MED1: variants seen among roughly 807,000 people sequenced by gnomAD.
MED1 encodes mediator complex subunit 1.
Under a neutral mutation model 121.3 loss-of-function variants are expected in MED1, and 17 were observed. The observed-to-expected ratio is 0.14, with a 90% confidence interval of 0.10 to 0.21. The LOEUF (loss-of-function observed/expected upper bound fraction) is 0.21. Among genes scored for constraint, MED1 ranks in the 10% least tolerant of loss-of-function variants. The probability of loss-of-function intolerance (pLI) is 1.00; values close to 1 mark genes in which losing one functional copy is unlikely to be tolerated. For missense variants in MED1, 1,558 were observed against 1,919.4 expected (o/e 0.81, Z 3.52); for synonymous variants, 661 against 694.4 (o/e 0.95, Z 0.76).
chr17:39,415,112 G>C lies in MED1; in HGVS notation c.1413C>G (p.Asp471Glu), dbSNP rs1466423492. The change falls in exon 16 of 17, where the codon GAC becomes GAG. Residue 471 changes from aspartate to glutamate, a missense_variant. This residue lies in a region of MED1 where 50 missense variants were observed against 134.5 expected (regional missense o/e 0.37). Coordinates refer to ENST00000300651, the MANE Select transcript of MED1 (RefSeq NM_004774.4). ...AGAGTTTACAGCTCACATGTGTTGA[G>C]TCCTGCACATCCATTACCACTGAAA... ...SLVCVVMDVQ[D>E]STHVSCKLYK... 1 of 1,614,034 alleles carries C rather than the reference G, an allele frequency of 6.2e-7. No homozygotes were observed. The highest frequency in any genetic ancestry group is 1.1e-5 in the South Asian group (1 of 91,072).
intron 16 of MED1, among the ~76,000 whole-genome samples, chr17:39,412,738 A>G (rs980449516): frequency 2.0e-5 from 3 of 151,542 alleles, no homozygotes; most frequent in South Asian, 2.1e-4. Context: ...GGGTTTCACC[A>G]TCTTGGCCAG....
Position 39,408,064 on chromosome 17 carries a change from C to G in MED1, c.4157G>C (p.Ser1386Thr), listed in dbSNP as rs149373125. 1.9e-4 allele frequency: 302 copies of G among 1,614,204 alleles called. 3 individuals carry two copies. In the African/African-American group the frequency reaches 3.9e-3, roughly 21 times the overall value. Residue 1386 changes from serine to threonine, a missense_variant, in exon 17 of 17, where the codon AGC becomes ACC. Ser to Thr is a moderately conservative substitution (Grantham distance 58). Transcript: ENST00000300651. The surrounding 1 kb of genome is among the most constrained non-coding windows in gnomAD (Gnocchi z 4.7). ...GATGATAATTTTTGCCACACCTGTGCTCCCCACATTTTTTGACTCTGAGGT... is the reference window on the plus strand; with the variant it reads ...GATGATAATTTTTGCCACACCTGTGGTCCCCACATTTTTTGACTCTGAGGT... Reference protein sequence around the residue: ...KKTSESKNVGSTGVAKIIISK... With the variant: ...KKTSESKNVGTTGVAKIIISK...
intron 1 of MED1, among the ~76,000 whole-genome samples, chr17:39,450,688 A>G (rs1159339982): frequency 6.6e-6 from 1 of 152,184 alleles, no homozygotes; most frequent in Non-Finnish European, 1.5e-5. Context: ...ATTGATGCCA[A>G]AATAGTCTCC....
At chr17:39,435,672 G>A (rs996514615) in intron 6 of MED1, among the ~76,000 whole-genome samples, 2 of 151,960 alleles carry the variant, frequency 1.3e-5, no homozygotes, top group African/African-American at 4.8e-5. Context: ...GTAATATCAG[G>A]TAAAAGTCAA....
At chr17:39,410,851 T>C (rs1597852149) in intron 16 of MED1, 130 bp from the exon 17 acceptor site, 5 of 1,329,210 alleles carry the variant, frequency 3.8e-6, no homozygotes, top group Admixed American at 5.7e-5. Flanking sequence ...AAGACAAAAA[T>C]AGTTCTATCA....
chr17:39,445,194 C>G (rs2048714697), intron 2 of MED1, among the ~76,000 whole-genome samples: 2 of 151,788 alleles, frequency 1.3e-5, no homozygotes, highest in Non-Finnish European at 2.9e-5. Flanking sequence ...AATAAGCATA[C>G]AGTATGTCAG....
intron 2 of MED1, among the ~76,000 whole-genome samples, chr17:39,446,880 C>T (rs964462423): frequency 3.9e-5 from 6 of 152,028 alleles, no homozygotes; most frequent in African/African-American, 1.4e-4. Context: ...GTTGAAGCTG[C>T]AGTGAGCCAT....
chr17:39,422,603 G>A (rs570443421), intron 13 of MED1, among the ~76,000 whole-genome samples: 1 of 148,006 alleles, frequency 6.8e-6, no homozygotes, highest in South Asian at 2.2e-4. Context: ...AGCCTCCCAA[G>A]TAGCTGGGAT....
intron 10 of MED1, 186 bp downstream of exon 10, chr17:39,427,515 G>T: frequency 2.1e-6 from 1 of 469,892 alleles, no homozygotes; most frequent in Non-Finnish European, 3.8e-6. Context: ...ATGTATGTGT[G>T]TATATATGCA....
chr17:39,427,950 C>G (rs2048530209), intron 9 of MED1, among the ~76,000 whole-genome samples, 160 bp from the exon 10 acceptor site: 1 of 152,058 alleles, frequency 6.6e-6, no homozygotes, highest in African/African-American at 2.4e-5. Flanking sequence ...GGTGTGGTGA[C>G]TCACACCTGT....
chr17:39,419,184 C>A (rs545331663), intron 14 of MED1, among the ~76,000 whole-genome samples: 80 of 152,062 alleles, frequency 5.3e-4, no homozygotes, highest in African/African-American at 1.8e-3. Context: ...CAGGCTCAAG[C>A]GACAATCCTC....
chr17:39,419,553 G>A (rs987930338), intron 14 of MED1, among the ~76,000 whole-genome samples, 164 bp downstream of exon 14: 1 of 151,284 alleles, frequency 6.6e-6, no homozygotes, highest in East Asian at 1.9e-4. Flanking sequence ...GACTACAGTC[G>A]TGCACCACCA....
chr17:39,411,858 A>C (rs976843004), intron 16 of MED1, among the ~76,000 whole-genome samples: 2 of 151,810 alleles, frequency 1.3e-5, no homozygotes, highest in African/African-American at 4.8e-5. Flanking sequence ...AAAATACAAA[A>C]AATTAGCTGG....
At chr17:39,414,985 C>T in intron 16 of MED1, 41 bp downstream of exon 16, 1 of 1,563,076 alleles carries the variant, frequency 6.4e-7, no homozygotes, top group Non-Finnish European at 8.8e-7. Context: ...ATTCTTTATA[C>T]ATCTCTAAAT....
At chr17:39,435,401 A>T (rs2048608950) in intron 6 of MED1, among the ~76,000 whole-genome samples, 1 of 152,086 alleles carries the variant, frequency 6.6e-6, no homozygotes, top group Admixed American at 6.6e-5. Context: ...TCAGGCTTCG[A>T]TTGTCGGACA....
chr17:39,444,101 A>T (rs948189656), intron 2 of MED1, among the ~76,000 whole-genome samples: 2 of 152,226 alleles, frequency 1.3e-5, no homozygotes, highest in African/African-American at 4.8e-5. Context: ...TAAGATATAA[A>T]CAGTTAAATA....
chr17:39,430,648 G>A (rs1324379472), intron 9 of MED1, among the ~76,000 whole-genome samples: 3 of 148,742 alleles, frequency 2.0e-5, no homozygotes, highest in African/African-American at 2.5e-5. Flanking sequence ...AGCTGAGATC[G>A]CGCCACTGTA....
In MED1 at chr17:39,423,014, C is replaced by T. The variant is rs558365970; in HGVS notation, c.1095+313G>A. Among the ~76,000 whole-genome samples the T allele has an allele frequency of 9.7e-4, 147 of 151,642 alleles. 1 individual carries two copies. The highest frequency in any genetic ancestry group is 3.0e-3 in the African/African-American group (122 of 41,352). ...CCGAGTAGCTGGGATTACAGGCACCCGCCACCACACACGGCTAATTTTTTG... is the reference window on the plus strand; with the variant it reads ...CCGAGTAGCTGGGATTACAGGCACCTGCCACCACACACGGCTAATTTTTTG... On this transcript the variant is annotated intron_variant, in intron 13 of 16. Transcript: ENST00000300651.
chr17:39,412,783 G>A (rs958203421), intron 16 of MED1, among the ~76,000 whole-genome samples: 1 of 151,804 alleles, frequency 6.6e-6, no homozygotes, highest in Admixed American at 6.6e-5. Context: ...TGATTTACCC[G>A]CCTCAGCCTC....
Sources: gnomAD v4.1 joint callset for allele counts (sites outside exome capture counted in the v4.1 genomes callset) on GRCh38, gnomAD v4.1.1 for gene constraint, gnomAD v4.1.1 regional missense constraint, Gnocchi (gnomAD v3.1) non-coding constraint, MANE v1.5 for transcripts, NCBI Gene and HGNC (gene_info 2026-07-23, HGNC 2026-07-21) for gene names.